ABRACL: variants seen among roughly 807,000 people sequenced by gnomAD.
ABRACL encodes the protein ABRA C-terminal like.
In ABRACL, 4 loss-of-function variants were observed where a neutral mutation model predicts 7.0. The ratio of observed to expected loss-of-function variants is 0.57; its 90% CI spans 0.28 to 1.30. ABRACL has a LOEUF of 1.30. ABRACL is among the 50% of genes most tolerant of loss of function. The pLI, the probability that ABRACL is intolerant of heterozygous loss-of-function variation, is 0.10. For synonymous variants in ABRACL, 30 were observed against 36.0 expected, an observed-to-expected ratio of 0.83 and a Z score of 0.60; for missense variants, 104 against 97.3, an observed-to-expected ratio of 1.07 and a Z score of -0.29.
chr6:139,042,904 T>C lies in ABRACL; in HGVS notation c.*1T>C. 1 of 1,606,004 alleles carries C rather than the reference T, an allele frequency of 6.2e-7. No individual in the cohort carries two copies. Among genetic ancestry groups the C allele is most frequent in the Non-Finnish European group, 8.5e-7 (1 of 1,176,496 alleles). ...TGACATTATATTACTGCAAGATTAA[T>C]GTGGTTTACATATCTTTATGTACTG... On this transcript the variant is annotated 3_prime_UTR_variant, in exon 3 of 3. Transcript: ENST00000367660.
At chr6:139,029,783 C>T (rs1377325742) in intron 1 of ABRACL, among the ~76,000 whole-genome samples, 1 of 152,194 alleles carries the variant, frequency 6.6e-6, no homozygotes, top group Non-Finnish European at 1.5e-5. Flanking sequence ...GCTGGGAAAA[C>T]GTGCCCAGCC....
In ABRACL at chr6:139,032,171, A is replaced by G. The variant is rs192010211; in HGVS notation, c.-6-1984A>G. On this transcript the variant is annotated intron_variant, in intron 1 of 2. Coordinates refer to ENST00000367660, the MANE Select transcript of ABRACL (RefSeq NM_021243.3). Reference sequence around the variant, plus strand: ...AGTAGAGACGGGGTTTCACCGTGTTAGCCAGGATGGTCTCGATCTCCTGAC... The same window carrying G: ...AGTAGAGACGGGGTTTCACCGTGTTGGCCAGGATGGTCTCGATCTCCTGAC... Among the ~76,000 whole-genome samples, 1,410 of 151,954 alleles carry G rather than the reference A, an allele frequency of 9.3e-3. 13 individuals carry two copies. Among genetic ancestry groups the G allele is most frequent in the Non-Finnish European group, 0.016 (1,086 of 67,946 alleles).
chr6:139,041,627 C>T (rs1314226286), intron 2 of ABRACL, among the ~76,000 whole-genome samples: 1 of 150,590 alleles, frequency 6.6e-6, no homozygotes, highest in African/African-American at 2.4e-5. Context: ...TCCCAAAGTG[C>T]TGGGATTACA....
intron 1 of ABRACL, 116 bp downstream of exon 1, chr6:139,028,991 G>C (rs1005698088): frequency 6.6e-6 from 1 of 152,222 alleles, no homozygotes; most frequent in Non-Finnish European, 1.5e-5. Flanking sequence ...GGGCCGGGAG[G>C]GGGCTCAGGG....
chr6:139,033,943 G>A (rs543982281), intron 1 of ABRACL, among the ~76,000 whole-genome samples: 66 of 152,298 alleles, frequency 4.3e-4, no homozygotes, highest in African/African-American at 1.5e-3. Flanking sequence ...GTGGAGAATA[G>A]GAGTGCAGGG....
In ABRACL at chr6:139,042,715, C is replaced by A; in HGVS notation, c.62-4C>A. 6.2e-7 allele frequency: 1 copy of A among 1,608,464 alleles called. No homozygotes were observed. Among genetic ancestry groups the A allele is most frequent in the Non-Finnish European group, 8.5e-7 (1 of 1,177,156 alleles). ...TTTGCTAACAATGTATTTTCTCAAA[C>A]TAGATGCTGATGGAAAGTTAAGCGT... On this transcript the variant is annotated splice_polypyrimidine_tract_variant and splice_region_variant and intron_variant, in intron 2 of 2. Coordinates refer to ENST00000367660, the MANE Select transcript of ABRACL (RefSeq NM_021243.3).
intron 2 of ABRACL, chr6:139,034,501 T>A (rs1368923509): frequency 6.3e-6 from 8 of 1,272,848 alleles, no homozygotes; most frequent in Non-Finnish European, 8.4e-6. Flanking sequence ...TTGACTGCAT[T>A]GAAATTTGGT....
chr6:139,034,044 G>A (rs1381528770), intron 1 of ABRACL, 111 bp from the exon 2 acceptor site: 4 of 1,374,618 alleles, frequency 2.9e-6, no homozygotes, highest in African/African-American at 2.9e-5. Context: ...AAGGAACATG[G>A]TAAATTAATA....
chr6:139,042,819 A>G lies in ABRACL; in HGVS notation c.162A>G (p.Lys54=), dbSNP rs1786272609. ...TGGTAGGAACTCTTAAAGCTGCAAA[A>G]CGAAGGAAGATTGTAACATATCCAG... ...EALVGTLKAA[K]RRKIVTYPGE... is the part of the protein sequence containing the mutation. The change falls in exon 3 of 3, where the codon AAA becomes AAG. Residue 54 remains lysine, a synonymous_variant. Coordinates refer to ENST00000367660, the MANE Select transcript of ABRACL (RefSeq NM_021243.3). The G allele has an allele frequency of 1.2e-6, 2 of 1,614,108 alleles. No homozygotes were observed. The highest frequency in any genetic ancestry group is 8.5e-7 in the Non-Finnish European group (1 of 1,179,986).
chr6:139,039,150 G>A (rs1198376507), intron 2 of ABRACL, among the ~76,000 whole-genome samples: 1 of 151,780 alleles, frequency 6.6e-6, no homozygotes, highest in Admixed American at 6.6e-5. Flanking sequence ...ACTTGAACCT[G>A]GGAGGCGGAG....
At chr6:139,040,777 C>G (rs919251453) in intron 2 of ABRACL, among the ~76,000 whole-genome samples, 2 of 152,186 alleles carry the variant, frequency 1.3e-5, no homozygotes, top group African/African-American at 4.8e-5. Flanking sequence ...CTTAGATTAT[C>G]TACTTCAGGT....
intron 2 of ABRACL, among the ~76,000 whole-genome samples, chr6:139,037,872 G>T (rs1339350651): frequency 2.0e-5 from 3 of 150,856 alleles, no homozygotes; most frequent in Non-Finnish European, 1.5e-5. Context: ...TGCCTCCTGG[G>T]TTCAAACAAT....
intron 1 of ABRACL, 55 bp downstream of exon 1, chr6:139,028,930 C>G (rs1057471949): frequency 1.3e-5 from 2 of 152,258 alleles, no homozygotes; most frequent in Admixed American, 6.5e-5. Flanking sequence ...ACTGGGTGTC[C>G]GTGGTGCGCC....
chr6:139,041,531 A>ATATATATATT (rs748288046), intron 2 of ABRACL, among the ~76,000 whole-genome samples: 23 of 126,038 alleles, frequency 1.8e-4, no homozygotes, highest in Non-Finnish European at 2.5e-4. Flanking sequence ...ATATATATAT[A>ATATATATATT]TTTTTTTTTA....
At chr6:139,038,060 A>G (rs190468959) in intron 2 of ABRACL, among the ~76,000 whole-genome samples, 132 of 152,254 alleles carry the variant, frequency 8.7e-4, no homozygotes, top group Non-Finnish European at 1.8e-3. Context: ...TGTAGACATG[A>G]GCTGCTGGGC....
At position 139,043,086 on chromosome 6, in the gene ABRACL, A is replaced by G. The variant is rs912550388; in HGVS notation, c.*183A>G. 2 of 437,982 alleles carry G rather than the reference A, an allele frequency of 4.6e-6. No homozygotes were observed. The highest frequency in any genetic ancestry group is 3.8e-6 in the Non-Finnish European group (1 of 260,562). The allele number at this position is 437,982 out of a possible 1,614,324, so 27.1% of individuals were successfully genotyped here. On this transcript the variant is annotated 3_prime_UTR_variant, in exon 3 of 3. Coordinates refer to ENST00000367660, the MANE Select transcript of ABRACL (RefSeq NM_021243.3). Reference sequence around the variant, plus strand: ...TGAAAGAAAATCTATGTATGATGCTATAAAATAAATCCTATTATTTTTCTC... The same window carrying G: ...TGAAAGAAAATCTATGTATGATGCTGTAAAATAAATCCTATTATTTTTCTC...
At chr6:139,040,853 T>G (rs1203251661) in intron 2 of ABRACL, among the ~76,000 whole-genome samples, 1 of 152,230 alleles carries the variant, frequency 6.6e-6, no homozygotes, top group Non-Finnish European at 1.5e-5. Flanking sequence ...TGCCTGTGGC[T>G]TGGCACACTC....
chr6:139,039,613 G>A (rs1262441590), intron 2 of ABRACL, among the ~76,000 whole-genome samples: 1 of 152,142 alleles, frequency 6.6e-6, no homozygotes, highest in African/African-American at 2.4e-5. Flanking sequence ...CTGGGCAGAC[G>A]GCTGAACACG....
At chr6:139,033,309 G>T (rs1348649943) in intron 1 of ABRACL, among the ~76,000 whole-genome samples, 1 of 152,206 alleles carries the variant, frequency 6.6e-6, no homozygotes, top group African/African-American at 2.4e-5. Context: ...GTTTTATTCT[G>T]AACTCCTCCT....
Sources: allele counts gnomAD v4.1 joint callset (sites outside exome capture counted in the v4.1 genomes callset), GRCh38; gene constraint gnomAD v4.1.1; transcripts MANE v1.5; gene names NCBI Gene and HGNC (gene_info 2026-07-23, HGNC 2026-07-21).